The following C16orf96 variants were observed in gnomAD, a reference collection of about 807,000 sequenced individuals.
C16orf96 encodes the protein chromosome 16 open reading frame 96, also known as uncharacterized protein C16orf96.
In C16orf96, 108 loss-of-function variants were observed where a neutral mutation model predicts 103.6. The ratio of observed to expected loss-of-function variants is 1.04; its 90% CI spans 0.89 to 1.22. The LOEUF is 1.22. C16orf96 is among the 50% of genes most tolerant of loss of function. The pLI, the probability that C16orf96 is intolerant of heterozygous loss-of-function variation, is 0.00. For missense variants in C16orf96, 1,586 were observed against 1,464.2 expected, an observed-to-expected ratio of 1.08 and a Z score of -1.36; for synonymous variants, 566 against 593.5, an observed-to-expected ratio of 0.95 and a Z score of 0.67.
intron 2 of C16orf96, among the ~76,000 whole-genome samples, chr16:4,573,567 A>G (rs1372541539): frequency 2.6e-5 from 4 of 151,378 alleles, no homozygotes; most frequent in Non-Finnish European, 4.4e-5. Flanking sequence ...CCTCGCTAAC[A>G]CGGTGAAACC....
chr16:4,551,288 T>G, the C16orf96 span, among the ~76,000 whole-genome samples: 1 of 152,078 alleles, frequency 6.6e-6, no homozygotes, highest in Non-Finnish European at 1.5e-5. Flanking sequence ...AGTGCCCATA[T>G]TAGAAGCGAA....
intron 7 of C16orf96, among the ~76,000 whole-genome samples, chr16:4,581,371 C>T (rs191898307): frequency 6.6e-5 from 10 of 150,544 alleles, no homozygotes; most frequent in African/African-American, 2.0e-4. Flanking sequence ...CGGTGGCTCA[C>T]GCCTGTAATC....
At chr16:4,554,517 A>AT (rs2059245818), upstream of C16orf96, among the ~76,000 whole-genome samples, 1 of 150,458 alleles carries the variant, frequency 6.6e-6, no homozygotes, top group Admixed American at 6.6e-5. Flanking sequence ...TGCCTGGCTA[A>AT]TTTTTTGTAT....
chr16:4,576,539 A>C lies in C16orf96; in HGVS notation c.2059A>C (p.Met687Leu), dbSNP rs1380290003. ...CAAGAAGAGGGCTGTCAAGTATTCC[A>C]TGAGCCACATAGCCCAGATACCTGT... ...EDKKRAVKYS[M>L]SHIAQIPVKH... Residue 687 changes from methionine to leucine, a missense_variant, in exon 5 of 16, where the codon ATG becomes CTG. By Grantham distance (15) the Met-to-Leu change is conservative (BLOSUM62 2). Coordinates refer to ENST00000444310, the MANE Select transcript of C16orf96 (RefSeq NM_001145011.2). The C allele has an allele frequency of 4.5e-6, 7 of 1,551,538 alleles. No homozygotes were observed. The highest frequency in any genetic ancestry group is 6.1e-6 in the Non-Finnish European group (7 of 1,146,956).
intron 1 of C16orf96, among the ~76,000 whole-genome samples, chr16:4,563,492 T>G (rs1266103100): frequency 6.6e-6 from 1 of 152,172 alleles, no homozygotes; most frequent in Non-Finnish European, 1.5e-5. Context: ...TGAGCTCAAG[T>G]AATCCTCCCA....
chr16:4,587,214 C>T, intron 8 of C16orf96, 101 bp downstream of exon 8: 2 of 1,154,540 alleles, frequency 1.7e-6, no homozygotes, highest in Non-Finnish European at 2.5e-6. Context: ...ATTTCCCTCC[C>T]CCTTTGTTCA....
rs375062189 is a variant in C16orf96, at chr16:4,571,530, C to T, written c.421-31C>T. ...ACTTACCTTCTCCCCCAGCCATACC[C>T]GGCTTCACATTTTCTCCTCCTCTTT... On this transcript the variant is annotated intron_variant, in intron 1 of 15. Transcript: ENST00000444310. The T allele has an allele frequency of 7.6e-5, 117 of 1,534,634 alleles. 1 individual carries two copies. The African/African-American group carries it at 1.1e-3, about 14-fold the overall frequency.
intron 4 of C16orf96, 48 bp from the exon 5 acceptor site, chr16:4,575,126 G>A: frequency 6.5e-7 from 1 of 1,547,184 alleles, no homozygotes; most frequent in South Asian, 1.2e-5. Flanking sequence ...CTGAGAGTGG[G>A]AGGCGGGGCT....
At chr16:4,580,342 G>A (rs1288546465) in intron 7 of C16orf96, among the ~76,000 whole-genome samples, 6 of 114,994 alleles carry the variant, frequency 5.2e-5, no homozygotes, top group East Asian at 6.1e-4. Flanking sequence ...AGAAGGGCCG[G>A]GACAATGTTC....
chr16:4,580,194 C>A, intron 7 of C16orf96, 69 bp downstream of exon 7: 1 of 1,261,798 alleles, frequency 7.9e-7, no homozygotes, highest in Non-Finnish European at 1.1e-6. Context: ...CCTTCTGGCC[C>A]TTCCCGAAGG....
At chr16:4,594,324 C>T (rs1377037279) in intron 12 of C16orf96, 27 bp from the exon 13 acceptor site, 49 of 1,547,058 alleles carry the variant, frequency 3.2e-5, no homozygotes, top group Admixed American at 1.2e-4. Flanking sequence ...GTCTCCAGGT[C>T]GCTGCTGACC....
At chr16:4,596,355 C>G (rs1029799257) in intron 14 of C16orf96, among the ~76,000 whole-genome samples, 15 of 152,136 alleles carry the variant, frequency 9.9e-5, no homozygotes, top group African/African-American at 1.9e-4. Flanking sequence ...CATGGTGACA[C>G]ACGCCGTTAA....
At chr16:4,597,195 C>G (rs140594166) in intron 14 of C16orf96, among the ~76,000 whole-genome samples, 2 of 152,176 alleles carry the variant, frequency 1.3e-5, no homozygotes, top group Non-Finnish European at 2.9e-5. Flanking sequence ...GCCGTTCCAG[C>G]CCCTGCCCCC....
At chr16:4,574,623 A>G (rs538212221) in intron 2 of C16orf96, 86 bp from the exon 3 acceptor site, 1 of 1,050,208 alleles carries the variant, frequency 9.5e-7, no homozygotes, top group East Asian at 2.6e-5. Context: ...TTCCTTCTCA[A>G]GCTCTTAGTC....
At position 4,556,688 on chromosome 16, in the gene C16orf96, G is replaced by A. The variant is rs367941862; in HGVS notation, c.199G>A (p.Ala67Thr). 3.8e-5 allele frequency: 59 copies of A among 1,551,460 alleles called. No individual in the cohort carries two copies. Among genetic ancestry groups the A allele is most frequent in the African/African-American group, 3.3e-4 (24 of 73,144 alleles). The change falls in exon 1 of 16, where the codon GCC becomes ACC. Residue 67 changes from alanine (A) to threonine (T), a missense_variant. Coordinates refer to ENST00000444310, the MANE Select transcript of C16orf96 (RefSeq NM_001145011.2). ...GGTCATCATGCCCAGGGAAGGAGAC[G>A]CCCAGCCTATCCTCAACCCCATGAA... ...QVVIMPREGD[A>T]QPILNPMKRL...
At chr16:4,546,918 T>A in the C16orf96 span, among the ~76,000 whole-genome samples, 1 of 152,108 alleles carries the variant, frequency 6.6e-6, no homozygotes, top group African/African-American at 2.4e-5. Flanking sequence ...TTGAGAACAC[T>A]CTGAGTGAAA....
chr16:4,547,236 G>C, the C16orf96 span, among the ~76,000 whole-genome samples: 1 of 152,206 alleles, frequency 6.6e-6, no homozygotes, highest in Non-Finnish European at 1.5e-5. Context: ...CCAGGTTCAA[G>C]CGATTCTCCT....
In C16orf96 at chr16:4,575,646, T is replaced by C; in HGVS notation, c.1166T>C (p.Leu389Pro). ...QPPPLGDWPA[L>P]PRRWPLPQGW... ...CCACCACTGGGAGACTGGCCTGCAC[T>C]CCCAAGACGCTGGCCTCTTCCCCAA... Residue 389 changes from leucine (L) to proline (P), a missense_variant, in exon 5 of 16, where the codon CTC (leucine) becomes CCC (proline). Leu to Pro is a moderately conservative substitution (Grantham distance 98). Transcript: ENST00000444310. 6.5e-7 allele frequency: 1 copy of C among 1,534,194 alleles called. No homozygotes were observed. Among genetic ancestry groups the C allele is most frequent in the Non-Finnish European group, 8.8e-7 (1 of 1,139,430 alleles).
At chr16:4,577,446 G>A (rs563617395) in intron 5 of C16orf96, among the ~76,000 whole-genome samples, 2 of 150,150 alleles carry the variant, frequency 1.3e-5, no homozygotes, top group Admixed American at 6.7e-5. Flanking sequence ...AGGCAGATAC[G>A]GAGACCATCC....
Sources: allele counts gnomAD v4.1 joint callset (sites outside exome capture counted in the v4.1 genomes callset), GRCh38; gene constraint gnomAD v4.1.1; transcripts MANE v1.5; gene names NCBI Gene and HGNC (gene_info 2026-07-23, HGNC 2026-07-21).